VWF: variants seen among roughly 807,000 people sequenced by gnomAD.
The protein encoded by VWF is Factor VIII related antigen.
Under a neutral mutation model 308.6 loss-of-function variants are expected in VWF, and 176 were observed. The observed-to-expected ratio is 0.57, with a 90% confidence interval of 0.50 to 0.65. VWF has a LOEUF of 0.65. Among genes scored for constraint, VWF ranks in the 30% least tolerant of loss-of-function variants. VWF has a pLI of 0.00. For missense variants in VWF, 3,146 were observed against 3,648.2 expected (o/e 0.86, Z 3.55); for synonymous variants, 1,385 against 1,443.4 (o/e 0.96, Z 0.92).
chr12:6,061,471 G>GAAA (rs10559016), intron 13 of VWF, among the ~76,000 whole-genome samples: 2 of 121,364 alleles, frequency 1.6e-5, no homozygotes, highest in African/African-American at 2.8e-5. Flanking sequence ...TTCATAAAAG[G>GAAA]AAAAAAAAAA....
chr12:6,112,581 G>A (rs1387023211), intron 3 of VWF, among the ~76,000 whole-genome samples: 1 of 152,184 alleles, frequency 6.6e-6, no homozygotes, highest in Non-Finnish European at 1.5e-5. Flanking sequence ...TCTTAAAAAT[G>A]AGCAAATCTC....
chr12:6,070,982 A>G (rs138561895), intron 10 of VWF, among the ~76,000 whole-genome samples: 49 of 152,330 alleles, frequency 3.2e-4, no homozygotes, highest in Admixed American at 1.2e-3. Context: ...TGTTTAGTCA[A>G]TCATGACCAT....
At chr12:6,040,783 G>C (rs147867893) in intron 18 of VWF, among the ~76,000 whole-genome samples, 1 of 152,224 alleles carries the variant, frequency 6.6e-6, no homozygotes, top group Non-Finnish European at 1.5e-5. Context: ...CCTGCAGCTT[G>C]TGGGGTCAAC....
At chr12:6,103,429 C>CGTGTGT in intron 5 of VWF, among the ~76,000 whole-genome samples, 1 of 119,032 alleles carries the variant, frequency 8.4e-6, no homozygotes, top group African/African-American at 5.1e-5. Flanking sequence ...TGTGTATACA[C>CGTGTGT]ACGTGTGTAT....
chr12:5,958,074 G>A (rs12423243), intron 47 of VWF, among the ~76,000 whole-genome samples: 7,011 of 151,792 alleles, frequency 0.046, 238 homozygotes, highest in Non-Finnish European at 0.063. Context: ...AAGAAATACA[G>A]TGAAAAGGCC....
chr12:6,029,295 C>T (rs1258870200), intron 22 of VWF, 47 bp downstream of exon 22: 4 of 1,612,954 alleles, frequency 2.5e-6, no homozygotes, highest in African/African-American at 1.3e-5. Context: ...GCAGAAAACA[C>T]TCCAAAGGCC....
intron 43 of VWF, 97 bp downstream of exon 43, chr12:5,976,014 T>TG: frequency 4.2e-6 from 5 of 1,178,424 alleles, no homozygotes; most frequent in Non-Finnish European, 5.8e-6. Flanking sequence ...AGTCTCCATT[T>TG]CAAAAAAAAA....
chr12:5,980,125 AG>A lies in VWF; in HGVS notation c.7287+1660del, dbSNP rs1207111388. 0.014 allele frequency among the ~76,000 whole-genome samples: 1,670 copies of A among 121,538 alleles called. 103 individuals are homozygous for A. In the East Asian group the frequency reaches 0.18, roughly 13 times the overall value. The allele number at this position is 121,538 out of a possible 152,430, so 79.7% of individuals were successfully genotyped here. A position where few individuals can be genotyped will look rare whatever the true frequency, so the allele number is the denominator to read the frequency against. ...AAGGAAGGAAGGAAGGAAGGAAGGA[AG>A]GAAGGAAGGAAGAAAGGAGTGAGGG... On this transcript the variant is annotated intron_variant, in intron 42 of 51. Coordinates refer to ENST00000261405, the MANE Select transcript of VWF (RefSeq NM_000552.5).
At chr12:6,068,770 T>C (rs927825419) in intron 10 of VWF, among the ~76,000 whole-genome samples, 1 of 151,646 alleles carries the variant, frequency 6.6e-6, no homozygotes, top group African/African-American at 2.4e-5. Context: ...ATTACAGGCA[T>C]GAGCTGCCGC....
chr12:6,000,123 A>G (rs1340780153), intron 34 of VWF, among the ~76,000 whole-genome samples: 1 of 152,212 alleles, frequency 6.6e-6, no homozygotes, highest in Non-Finnish European at 1.5e-5. Flanking sequence ...ATAACTCATG[A>G]AAACATTCTG....
At position 5,949,120 on chromosome 12, in the gene VWF, C is replaced by T. The variant is rs201741225; in HGVS notation, c.8337G>A (p.Thr2779=). The change falls in exon 52 of 52, where the codon ACG becomes ACA. Residue 2779 remains threonine, a synonymous_variant. Transcript: ENST00000261405. Reference sequence around the variant, plus strand: ...AGTGCAGGGCCACCTGCATGGGCTCCGTCCGTGTCGGAGAGCAGCAGGAGC... The same window carrying T: ...AGTGCAGGGCCACCTGCATGGGCTCTGTCCGTGTCGGAGAGCAGCAGGAGC... ...DQCSCCSPTR[T]EPMQVALHCT... is the part of the protein sequence containing the mutation. The T allele has an allele frequency of 7.0e-5, 113 of 1,614,224 alleles. No homozygotes were observed. Among genetic ancestry groups the T allele is most frequent in the Non-Finnish European group, 8.9e-5 (105 of 1,180,034 alleles).
chr12:6,044,031 C>T (rs982739898), intron 18 of VWF, among the ~76,000 whole-genome samples: 2 of 152,112 alleles, frequency 1.3e-5, no homozygotes, highest in African/African-American at 4.8e-5. Flanking sequence ...TATGGCACTC[C>T]TGTAAGCTAA....
rs12099866 is a variant in VWF at position 5,979,420 on chromosome 12, T to C, written c.7287+2366A>G. Reference sequence around the variant, plus strand: ...TAAACTTCACAATGCAGAAATAGGTTGCTTCATCTGAACACATAATCAGTC... The same window carrying C: ...TAAACTTCACAATGCAGAAATAGGTCGCTTCATCTGAACACATAATCAGTC... On this transcript the variant is annotated intron_variant, in intron 42 of 51. Coordinates refer to ENST00000261405, the MANE Select transcript of VWF (RefSeq NM_000552.5). 7.7e-3 allele frequency among the ~76,000 whole-genome samples: 1,173 copies of C among 152,342 alleles called. 17 individuals are homozygous for C. Among genetic ancestry groups the C allele is most frequent in the African/African-American group, 0.025 (1,060 of 41,572 alleles).
chr12:5,950,187 A>G (rs1257130429), intron 50 of VWF, among the ~76,000 whole-genome samples: 1 of 152,124 alleles, frequency 6.6e-6, no homozygotes, highest in Non-Finnish European at 1.5e-5. Context: ...ATCATTGTAG[A>G]CTCTAAAAAC....
chr12:6,116,610 G>A (rs372431575), intron 3 of VWF, among the ~76,000 whole-genome samples: 2 of 152,168 alleles, frequency 1.3e-5, no homozygotes, highest in Non-Finnish European at 2.9e-5. Context: ...TCCTGCAGCC[G>A]TAGCTTAGGA....
chr12:5,981,837 T>G lies in VWF; in HGVS notation c.7236A>C (p.Ser2412=), dbSNP rs145450160. 5.0e-5 allele frequency: 80 copies of G among 1,614,028 alleles called. No homozygotes were observed. The African/African-American group carries it at 9.3e-4, about 19-fold the overall frequency. The part of the protein sequence containing the change: ...TVSCPLGYLA[S]TATNDCGCTT... ...TACAGCCACAGTCATTGGTGGCAGT[T>G]GAGGCCAAGTACCCAAGGGGACAGC... The change falls in exon 42 of 52, where the codon TCA becomes TCC. Residue 2412 remains serine (S), a synonymous_variant. Coordinates refer to ENST00000261405, the MANE Select transcript of VWF (RefSeq NM_000552.5).
At chr12:6,118,779 T>G (rs1945398225) in intron 3 of VWF, among the ~76,000 whole-genome samples, 1 of 152,156 alleles carries the variant, frequency 6.6e-6, no homozygotes, top group Admixed American at 6.5e-5. Flanking sequence ...CTGCCGTGAT[T>G]TATAAAATGG....
At chr12:6,045,747 C>A (rs1406373900) in intron 17 of VWF, among the ~76,000 whole-genome samples, 1 of 152,210 alleles carries the variant, frequency 6.6e-6, no homozygotes, top group African/African-American at 2.4e-5. Flanking sequence ...AAGTGAGAGG[C>A]AGAGAGGGAA....
chr12:5,984,206 C>G (rs1006528953), intron 40 of VWF, among the ~76,000 whole-genome samples: 2 of 152,186 alleles, frequency 1.3e-5, no homozygotes, highest in Non-Finnish European at 2.9e-5. Flanking sequence ...GGGCAAAGTG[C>G]CCGGCACATT....
Sources: gnomAD v4.1 joint callset for allele counts (sites outside exome capture counted in the v4.1 genomes callset) on GRCh38, gnomAD v4.1.1 for gene constraint, MANE v1.5 for transcripts, NCBI Gene and HGNC (gene_info 2026-07-23, HGNC 2026-07-21) for gene names.